The following KCTD4 variants were observed in gnomAD, a reference collection of about 807,000 sequenced individuals.
KCTD4 encodes the protein potassium channel tetramerization domain containing 4, also known as BTB/POZ domain-containing protein KCTD4.
KCTD4 carries 12 observed loss-of-function variants against 18.3 expected under a neutral mutation model. The observed-to-expected ratio is 0.66, with a 90% CI of 0.42 to 1.06. The LOEUF is 1.06. Ranked by LOEUF, KCTD4 falls within the 50% of genes least tolerant of loss-of-function variation. The pLI is 0.00. For missense variants in KCTD4, 250 were observed against 303.4 expected (o/e 0.82, Z 1.31); for synonymous variants, 124 against 110.5 (o/e 1.12, Z -0.76).
rs770280879 is a variant in KCTD4 at position 45,194,264 on chromosome 13, C to T, written c.304G>A (p.Glu102Lys). The T allele has an allele frequency of 1.2e-5, 20 of 1,614,046 alleles. No homozygotes were observed. Among genetic ancestry groups the T allele is most frequent in the South Asian group, 5.5e-5 (5 of 91,090 alleles). Residue 102 changes from glutamate (E) to lysine (K), a missense_variant, in exon 2 of 2, where the codon GAA becomes AAA. By Grantham distance (56) the Glu-to-Lys change is moderately conservative. Transcript: ENST00000379108. ...AGAAGTTGATTTTCTCGAAACCCTT[C>T]GGGCAATAGAAGTTCTCCATTTCGT... Reference protein sequence around the residue: ...FLRNGELLLPEGFRENQLLAQ... With the variant: ...FLRNGELLLPKGFRENQLLAQ...
At chr13:45,196,386 A>G (rs1360961034) in intron 1 of KCTD4, among the ~76,000 whole-genome samples, 1 of 152,194 alleles carries the variant, frequency 6.6e-6, no homozygotes, top group Non-Finnish European at 1.5e-5. Flanking sequence ...TTATATTCTG[A>G]CAATCTCATG....
Position 45,194,020 on chromosome 13 carries a change from AATCC to A in KCTD4, c.544_547del (p.Gly182PhefsTer18). ...TGACGATATTGAAAACTCCTCTGGAAATCCATCCAGCCTGCTTTTGGACACCAGA... is the reference window on the plus strand; with the variant it reads ...TGACGATATTGAAAACTCCTCTGGAAATCCAGCCTGCTTTTGGACACCAGA... On this transcript the variant is annotated frameshift_variant, in exon 2 of 2. Transcript: ENST00000379108. LOFTEE classifies it high-confidence loss of function. 6.2e-7 allele frequency: 1 copy of A among 1,614,148 alleles called. No homozygotes were observed. The highest frequency in any genetic ancestry group is 8.5e-7 in the Non-Finnish European group (1 of 1,180,004).
chr13:45,196,634 C>T (rs918248450), intron 1 of KCTD4, among the ~76,000 whole-genome samples: 2 of 152,040 alleles, frequency 1.3e-5, no homozygotes, highest in Non-Finnish European at 2.9e-5. Context: ...TATAGGATAC[C>T]AGAATTAGTA....
chr13:45,194,186 A>C lies in KCTD4; in HGVS notation c.382T>G (p.Ser128Ala). The C allele has an allele frequency of 6.2e-7, 1 of 1,614,020 alleles. No individual in the cohort carries two copies. The highest frequency in any genetic ancestry group is 8.5e-7 in the Non-Finnish European group (1 of 1,179,990). ...GTTAGCTGTTCTTTCTCCCACCTGG[A>C]TTTCACTTCCTCTGCCAGTCCCTTG... Reference protein sequence around the residue: ...QLKGLAEEVKSRWEKEQLTPR... With the variant: ...QLKGLAEEVKARWEKEQLTPR... Residue 128 changes from serine to alanine, a missense_variant, in exon 2 of 2, where the codon TCC becomes GCC. Physicochemically the swap from Ser to Ala is moderately conservative, Grantham distance 99 (BLOSUM62 1). Coordinates refer to ENST00000379108, the MANE Select transcript of KCTD4 (RefSeq NM_198404.3).
chr13:45,196,248 T>G (rs1038121073), intron 1 of KCTD4, among the ~76,000 whole-genome samples: 10 of 152,224 alleles, frequency 6.6e-5, no homozygotes, highest in African/African-American at 2.4e-4. Context: ...GAAATTCAAC[T>G]TCCTCATTTC....
chr13:45,198,252 C>G (rs774061139), intron 1 of KCTD4, among the ~76,000 whole-genome samples: 5 of 152,224 alleles, frequency 3.3e-5, no homozygotes, highest in Admixed American at 6.5e-5. Flanking sequence ...TTTTTACCAA[C>G]TCCTTATGGG....
chr13:45,193,603 A>G lies in KCTD4; in HGVS notation c.*185T>C, dbSNP rs572480858. ...TAGGTGGAAGAGTCTGATCAGTAGG[A>G]ACACCCCAGAGGAAGGACATCTTTA... On this transcript the variant is annotated 3_prime_UTR_variant, in exon 2 of 2. Transcript: ENST00000379108. The G allele has an allele frequency of 1.8e-6, 1 of 561,606 alleles. No homozygotes were observed. The highest frequency in any genetic ancestry group is 3.0e-5 in the South Asian group (1 of 33,210). The allele number at this position is 561,606 out of a possible 1,614,324, so 34.8% of individuals were successfully genotyped here.
At position 45,193,758 on chromosome 13, in the gene KCTD4, G is replaced by C; in HGVS notation, c.*30C>G. The stretch of plus-strand genomic sequence containing the variant: ...GTTTTCCGAAGCTTGCTGGCTGCAT[G>C]CTTGTTGCCTTTGTTCGTGACACAG... On this transcript the variant is annotated 3_prime_UTR_variant, in exon 2 of 2. Transcript: ENST00000379108. The C allele has an allele frequency of 1.3e-6, 2 of 1,542,234 alleles. No individual in the cohort carries two copies. Among genetic ancestry groups the C allele is most frequent in the Non-Finnish European group, 1.7e-6 (2 of 1,148,552 alleles).
chr13:45,198,046 G>C (rs1447106750), intron 1 of KCTD4, among the ~76,000 whole-genome samples: 2 of 152,210 alleles, frequency 1.3e-5, no homozygotes, highest in Non-Finnish European at 2.9e-5. Flanking sequence ...ATTAGAGTTA[G>C]ATCACCTCTG....
intron 1 of KCTD4, among the ~76,000 whole-genome samples, chr13:45,200,579 C>T (rs913883215): frequency 5.9e-5 from 9 of 152,106 alleles, no homozygotes; most frequent in African/African-American, 2.2e-4. Context: ...CAGATGTGAG[C>T]CACCATGCGT....
Position 45,192,999 on chromosome 13 carries a change from C to A in KCTD4, c.*789G>T. 6.6e-6 allele frequency: 1 copy of A among 152,228 alleles called. No homozygotes were observed. Among genetic ancestry groups the A allele is most frequent in the Non-Finnish European group, 1.5e-5 (1 of 68,008 alleles). 9.4% of individuals were successfully genotyped at this position (152,228 alleles called of 1,614,324 possible). ...ACCAGCCAGGGTTCCTGTAGCCTGC[C>A]GGTTGACATCAATGCATAATTTTAT... On this transcript the variant is annotated 3_prime_UTR_variant, in exon 2 of 2. Transcript: ENST00000379108.
At chr13:45,194,910 T>C (rs1417948847) in intron 1 of KCTD4, among the ~76,000 whole-genome samples, 156 bp from the exon 2 acceptor site, 1 of 152,262 alleles carries the variant, frequency 6.6e-6, no homozygotes, top group African/African-American at 2.4e-5. Flanking sequence ...TGTTTAATTC[T>C]TCATCCAAAT....
At chr13:45,197,584 G>A (rs1019217058) in intron 1 of KCTD4, among the ~76,000 whole-genome samples, 1 of 151,052 alleles carries the variant, frequency 6.6e-6, no homozygotes, top group African/African-American at 2.4e-5. Flanking sequence ...AGCAAAGCAA[G>A]ATGACTGTAG....
Position 45,200,891 on chromosome 13 carries a change from A to G in KCTD4, c.-255T>C, listed in dbSNP as rs1296824264. Reference sequence around the variant, plus strand: ...GTGTCGACACAGGTGTGATGTAATTAAGAGTCAGGAGAGTAAGGAGAGTAA... The same window carrying G: ...GTGTCGACACAGGTGTGATGTAATTGAGAGTCAGGAGAGTAAGGAGAGTAA... On this transcript the variant is annotated 5_prime_UTR_variant, in exon 1 of 2. Transcript: ENST00000379108. 2.6e-5 allele frequency among the ~76,000 whole-genome samples: 4 copies of G among 152,208 alleles called. No individual in the cohort carries two copies. The highest frequency in any genetic ancestry group is 5.9e-5 in the Non-Finnish European group (4 of 68,038).
At chr13:45,194,802 G>A in intron 1 of KCTD4, 48 bp from the exon 2 acceptor site, 2 of 514,686 alleles carry the variant, frequency 3.9e-6, no homozygotes, top group Non-Finnish European at 6.9e-6. Flanking sequence ...TATCAGGGAA[G>A]GGATTTGTTG....
intron 1 of KCTD4, among the ~76,000 whole-genome samples, chr13:45,197,502 C>T (rs1168605861): frequency 2.2e-5 from 3 of 138,432 alleles, no homozygotes; most frequent in Non-Finnish European, 3.1e-5. Flanking sequence ...CAGTAAGACC[C>T]TGTCTCCAAA....
chr13:45,194,607 G>C lies in KCTD4; in HGVS notation c.-40C>G. The C allele has an allele frequency of 1.3e-6, 2 of 1,559,570 alleles. No homozygotes were observed. The highest frequency in any genetic ancestry group is 1.7e-6 in the Non-Finnish European group (2 of 1,150,358). ...ATTTCAGCTTGTTCTTCTTGGCTTTGAGATTTTTTAAAAAGAGACACTACC... is the reference window on the plus strand; with the variant it reads ...ATTTCAGCTTGTTCTTCTTGGCTTTCAGATTTTTTAAAAAGAGACACTACC... On this transcript the variant is annotated 5_prime_UTR_variant, in exon 2 of 2. Transcript: ENST00000379108.
At chr13:45,197,249 C>A (rs1872941479) in intron 1 of KCTD4, among the ~76,000 whole-genome samples, 1 of 151,210 alleles carries the variant, frequency 6.6e-6, no homozygotes, top group Non-Finnish European at 1.5e-5. Context: ...GTAATCCCAG[C>A]ACTTTGGGAG....
intron 1 of KCTD4, among the ~76,000 whole-genome samples, chr13:45,195,781 T>C (rs1406078536): frequency 2.0e-5 from 3 of 152,184 alleles, no homozygotes; most frequent in Non-Finnish European, 4.4e-5. Flanking sequence ...ATCTGCTAAA[T>C]TATTCTGGGA....
Sources: gnomAD v4.1 joint callset for allele counts (sites outside exome capture counted in the v4.1 genomes callset) on GRCh38, gnomAD v4.1.1 for gene constraint, MANE v1.5 for transcripts, NCBI Gene and HGNC (gene_info 2026-07-23, HGNC 2026-07-21) for gene names.